CFAP96: variants seen among roughly 807,000 people sequenced by gnomAD.
CFAP96 encodes the protein cilia and flagella associated protein 96.
At chr4:185,442,028 C>A in the CFAP96 span, among the ~76,000 whole-genome samples, 1 of 152,014 alleles carries the variant, frequency 6.6e-6, no homozygotes, top group Non-Finnish European at 1.5e-5. Context: ...GTTTATCAAA[C>A]CAAAATTCTT....
the CFAP96 span, chr4:185,415,472 C>T: frequency 1.2e-6 from 1 of 862,106 alleles, no homozygotes; most frequent in Non-Finnish European, 1.7e-6. Flanking sequence ...TAAAGGAAGT[C>T]TGAATTATAC....
chr4:185,427,076 AAAATT>A, the CFAP96 span, among the ~76,000 whole-genome samples: 1 of 151,798 alleles, frequency 6.6e-6, no homozygotes, highest in Non-Finnish European at 1.5e-5. Context: ...AAAAAAAAAA[AAAATT>A]AATAAGAAAA....
the CFAP96 span, among the ~76,000 whole-genome samples, chr4:185,420,006 G>T: frequency 6.6e-6 from 1 of 152,096 alleles, no homozygotes; most frequent in Non-Finnish European, 1.5e-5. Flanking sequence ...TTCAGCAGCC[G>T]CACCATTTTA....
At chr4:185,431,164 C>T in the CFAP96 span, among the ~76,000 whole-genome samples, 4 of 145,378 alleles carry the variant, frequency 2.8e-5, no homozygotes, top group Admixed American at 1.4e-4. Flanking sequence ...GAGCTGAGAT[C>T]GTGCCACTGC....
At chr4:185,443,346 T>A in the CFAP96 span, among the ~76,000 whole-genome samples, 759 of 49,202 alleles carry the variant, frequency 0.015, 7 homozygotes, top group African/African-American at 0.046. Context: ...ATATATATTT[T>A]TTTTTTTTTT....
At chr4:185,418,719 T>G in the CFAP96 span, 1 of 1,613,584 alleles carries the variant, frequency 6.2e-7, no homozygotes, top group Admixed American at 1.7e-5. Context: ...TGAAGACAGC[T>G]TAGTTGACAG....
At chr4:185,449,264 T>C in the CFAP96 span, among the ~76,000 whole-genome samples, 1 of 152,188 alleles carries the variant, frequency 6.6e-6, no homozygotes, top group Non-Finnish European at 1.5e-5. Flanking sequence ...GGCTCGTGTG[T>C]AATCTCAGCA....
At chr4:185,410,886 C>T in the CFAP96 span, among the ~76,000 whole-genome samples, 1 of 145,880 alleles carries the variant, frequency 6.9e-6, no homozygotes, top group Non-Finnish European at 1.5e-5. Context: ...GCGGAGGTTG[C>T]AGTGAGCCAA....
At chr4:185,410,963 AAG>A in the CFAP96 span, among the ~76,000 whole-genome samples, 1 of 147,230 alleles carries the variant, frequency 6.8e-6, no homozygotes, top group Non-Finnish European at 1.5e-5. Context: ...AAAAAAAAGA[AAG>A]AAAGAAATAT....
At chr4:185,443,837 C>G in the CFAP96 span, among the ~76,000 whole-genome samples, 1 of 146,224 alleles carries the variant, frequency 6.8e-6, no homozygotes, top group Non-Finnish European at 1.5e-5. Flanking sequence ...TTTAAACTTT[C>G]TTAAGTTTTC....
chr4:185,415,950 G>T, the CFAP96 span: 1 of 1,207,628 alleles, frequency 8.3e-7, no homozygotes, highest in Non-Finnish European at 1.1e-6. Context: ...TTTCAAAAAT[G>T]TATTTATTAT....
the CFAP96 span, among the ~76,000 whole-genome samples, chr4:185,421,362 G>GA: frequency 6.6e-6 from 1 of 152,182 alleles, no homozygotes; most frequent in East Asian, 1.9e-4. Flanking sequence ...ATTTCATGTT[G>GA]AAATGTGATC....
the CFAP96 span, among the ~76,000 whole-genome samples, chr4:185,418,067 C>CACACACACACACACACAA: frequency 3.3e-5 from 5 of 150,692 alleles, no homozygotes; most frequent in East Asian, 5.8e-4. Flanking sequence ...CACACACACA[C>CACACACACACACACACAA]AAACAACAGA....
At chr4:185,444,895 T>TTGA in the CFAP96 span, 1 of 1,413,950 alleles carries the variant, frequency 7.1e-7, no homozygotes, top group Non-Finnish European at 9.7e-7. Context: ...ATGTATGAAC[T>TTGA]TCTTCACAAG....
the CFAP96 span, chr4:185,431,936 T>A: frequency 7.2e-7 from 1 of 1,393,212 alleles, no homozygotes; most frequent in African/African-American, 1.5e-5. Context: ...TGTCCTTTAA[T>A]TGCTAGTCAG....
At chr4:185,439,936 T>C in the CFAP96 span, among the ~76,000 whole-genome samples, 1 of 145,028 alleles carries the variant, frequency 6.9e-6, no homozygotes, top group Non-Finnish European at 1.5e-5. Flanking sequence ...TATATATACA[T>C]ATATGTATCA....
chr4:185,427,138 C>G, the CFAP96 span, among the ~76,000 whole-genome samples: 1 of 152,144 alleles, frequency 6.6e-6, no homozygotes, highest in African/African-American at 2.4e-5. Flanking sequence ...TTCCCTCCCT[C>G]CTCCCTGGCT....
At chr4:185,413,439 C>T in the CFAP96 span, among the ~76,000 whole-genome samples, 1 of 151,902 alleles carries the variant, frequency 6.6e-6, no homozygotes, top group Non-Finnish European at 1.5e-5. Flanking sequence ...AGACTATGCC[C>T]TTAATTAGCA....
chr4:185,435,047 C>T, the CFAP96 span, among the ~76,000 whole-genome samples: 727 of 152,272 alleles, frequency 4.8e-3, 8 homozygotes, highest in African/African-American at 0.017. Context: ...ACCCCCGGAA[C>T]CGTAGGCATT....
Sources: gnomAD v4.1 joint callset for allele counts (sites outside exome capture counted in the v4.1 genomes callset) on GRCh38, gnomAD v4.1.1 for gene constraint, MANE v1.5 for transcripts, NCBI Gene and HGNC (gene_info 2026-07-23, HGNC 2026-07-21) for gene names.